MARCHF10: variants seen among roughly 807,000 people sequenced by gnomAD.
MARCHF10 encodes probable E3 ubiquitin-protein ligase MARCHF10.
In MARCHF10, 64 loss-of-function variants were observed where a neutral mutation model predicts 76.2. The observed-to-expected ratio is 0.84, with a 90% CI of 0.69 to 1.03. The LOEUF is 1.03. Among genes scored for constraint, MARCHF10 ranks in the 50% least tolerant of loss-of-function variants. MARCHF10 has a pLI of 0.00. For synonymous variants in MARCHF10, 340 were observed against 357.5 expected (o/e 0.95, Z 0.55); for missense variants, 875 against 958.0 (o/e 0.91, Z 1.14).
Position 62,727,502 on chromosome 17 carries a change from C to CAA in MARCHF10, c.1938-2400_1938-2399dup, listed in dbSNP as rs138004879. Among the ~76,000 whole-genome samples, 878 of 148,638 alleles carry CAA rather than the reference C, an allele frequency of 5.9e-3. 3 individuals are homozygous for CAA. Among genetic ancestry groups the CAA allele is most frequent in the African/African-American group, 0.02 (823 of 40,554 alleles). On this transcript the variant is annotated intron_variant, in intron 6 of 10. Coordinates refer to ENST00000311269, the MANE Select transcript of MARCHF10 (RefSeq NM_152598.4). The stretch of plus-strand genomic sequence containing the variant: ...TGGGCAACACAGCGAGACCTTGTCT[C>CAA]AAAAAAAAAGAAAAAAATATATAGC...
At chr17:62,707,098 C>A (rs1347975127) in intron 9 of MARCHF10, among the ~76,000 whole-genome samples, 1 of 152,162 alleles carries the variant, frequency 6.6e-6, no homozygotes, top group African/African-American at 2.4e-5. Flanking sequence ...CCCACACGGG[C>A]CCCCTTATTA....
intron 4 of MARCHF10, among the ~76,000 whole-genome samples, chr17:62,749,463 A>G (rs563115769): frequency 2.2e-4 from 34 of 152,294 alleles, no homozygotes; most frequent in African/African-American, 7.9e-4. Context: ...TGAAAAAAAA[A>G]GTGTGCTTTC....
At chr17:62,797,259 G>C (rs866372809) in intron 2 of MARCHF10, among the ~76,000 whole-genome samples, 1 of 152,114 alleles carries the variant, frequency 6.6e-6, no homozygotes, top group South Asian at 2.1e-4. Context: ...GGCTGGAGTA[G>C]AGTGGCACTA....
intron 4 of MARCHF10, among the ~76,000 whole-genome samples, chr17:62,758,913 G>A (rs976298931): frequency 6.6e-6 from 1 of 152,150 alleles, no homozygotes; most frequent in Non-Finnish European, 1.5e-5. Context: ...TTGTCTTATA[G>A]CTGTTGTCTT....
At chr17:62,761,549 G>A (rs1465814606) in intron 3 of MARCHF10, among the ~76,000 whole-genome samples, 1 of 152,054 alleles carries the variant, frequency 6.6e-6, no homozygotes, top group Non-Finnish European at 1.5e-5. Flanking sequence ...AGCCTCCTGA[G>A]TAGCTGGGAT....
chr17:62,766,187 C>T (rs888441723), intron 3 of MARCHF10, among the ~76,000 whole-genome samples: 5 of 151,206 alleles, frequency 3.3e-5, no homozygotes, highest in Admixed American at 1.3e-4. Flanking sequence ...CAGAGCAAGA[C>T]CCTGTCTCAA....
chr17:62,733,051 A>G (rs549491016), intron 6 of MARCHF10, among the ~76,000 whole-genome samples: 1 of 152,018 alleles, frequency 6.6e-6, no homozygotes, highest in South Asian at 2.1e-4. Context: ...CAAACTACAA[A>G]TTGGGAAAAG....
At chr17:62,793,744 CCACCACCACCTCCAT>C (rs2092930807) in intron 2 of MARCHF10, among the ~76,000 whole-genome samples, 1 of 150,680 alleles carries the variant, frequency 6.6e-6, no homozygotes, top group Admixed American at 6.6e-5. Flanking sequence ...CCTCCATCAA[CCACCACCACCTCCAT>C]CACCACCACC....
intron 4 of MARCHF10, among the ~76,000 whole-genome samples, chr17:62,748,822 C>T (rs926706138): frequency 2.0e-5 from 3 of 152,154 alleles, no homozygotes; most frequent in African/African-American, 7.2e-5. Context: ...AAATTTCAGA[C>T]CTTTGGGGGC....
At chr17:62,728,412 A>G (rs1380142694) in intron 6 of MARCHF10, among the ~76,000 whole-genome samples, 2 of 152,192 alleles carry the variant, frequency 1.3e-5, no homozygotes, top group African/African-American at 4.8e-5. Context: ...GAGGAGAAAA[A>G]GCACACAATT....
chr17:62,752,649 T>A (rs1361753598), intron 4 of MARCHF10, among the ~76,000 whole-genome samples: 2 of 139,174 alleles, frequency 1.4e-5, no homozygotes, highest in African/African-American at 2.8e-5. Flanking sequence ...TTTTTTTTTT[T>A]AATAGAGATG....
At chr17:62,768,554 C>T (rs907674057) in intron 3 of MARCHF10, among the ~76,000 whole-genome samples, 3 of 152,180 alleles carry the variant, frequency 2.0e-5, no homozygotes, top group Non-Finnish European at 2.9e-5. Context: ...TTTTACTTAA[C>T]AATACCTTGC....
chr17:62,707,185 C>T (rs954275079), intron 9 of MARCHF10, among the ~76,000 whole-genome samples: 1 of 152,240 alleles, frequency 6.6e-6, no homozygotes, highest in African/African-American at 2.4e-5. Flanking sequence ...CTCCCAAAAC[C>T]CACATCTCCT....
At chr17:62,747,509 C>T (rs575845866) in intron 4 of MARCHF10, among the ~76,000 whole-genome samples, 5 of 152,300 alleles carry the variant, frequency 3.3e-5, no homozygotes, top group East Asian at 3.9e-4. Context: ...CCTTTGGCAA[C>T]TTTAACCTCA....
In MARCHF10 at chr17:62,765,505, A is replaced by C. The variant is rs578070935; in HGVS notation, c.211-5499T>G. On this transcript the variant is annotated intron_variant, in intron 3 of 10. Coordinates refer to ENST00000311269, the MANE Select transcript of MARCHF10 (RefSeq NM_152598.4). ...CTCGGATTTTCAGTCCAGCAAGTTG[A>C]AACGACCCAGCCTGTGGCCCTGGCT... is the stretch of plus-strand genomic sequence containing the variant. Among the ~76,000 whole-genome samples the C allele has an allele frequency of 1.4e-4, 22 of 152,148 alleles. 1 individual carries two copies. The highest frequency in any genetic ancestry group is 5.1e-4 in the African/African-American group (21 of 41,530).
At chr17:62,771,579 T>A (rs979910209) in intron 3 of MARCHF10, among the ~76,000 whole-genome samples, 1 of 149,368 alleles carries the variant, frequency 6.7e-6, no homozygotes. Flanking sequence ...TATCTATTTT[T>A]TTTTTTTTTT....
chr17:62,738,059 G>GACACACACACACACAC lies in MARCHF10; in HGVS notation c.536-728_536-727insGTGTGTGTGTGTGTGT, dbSNP rs1386689991. On this transcript the variant is annotated intron_variant, in intron 5 of 10. Transcript: ENST00000311269. This position sits in a 1 kb window ranked among gnomAD's most constrained non-coding sequence, Gnocchi z 4.0. ...TAACTGTCTCTCTCTGTCTCTCTCT[G>GACACACACACACACAC]TCACACACACACACACACACACACA... 2.0e-4 allele frequency: 4 copies of GACACACACACACACAC among 20,168 alleles called. No homozygotes were observed. The highest frequency in any genetic ancestry group is 3.9e-4 in the Non-Finnish European group (4 of 10,368). 1.2% of individuals were successfully genotyped at this position (20,168 alleles called of 1,614,324 possible).
intron 8 of MARCHF10, among the ~76,000 whole-genome samples, chr17:62,717,571 C>T (rs1403655962): frequency 2.6e-5 from 4 of 152,180 alleles, no homozygotes; most frequent in African/African-American, 4.8e-5. Flanking sequence ...TGGGAGGCCC[C>T]GGCAGGAGAC....
rs756037452 is a variant in MARCHF10 at position 62,736,783 on chromosome 17, G to T, written c.1085C>A (p.Pro362Gln). The T allele has an allele frequency of 6.2e-7, 1 of 1,614,146 alleles. No individual in the cohort carries two copies. Among genetic ancestry groups the T allele is most frequent in the East Asian group, 2.2e-5 (1 of 44,884 alleles). Residue 362 changes from proline (P) to glutamine (Q), a missense_variant, in exon 6 of 11, where the codon CCA becomes CAA. By Grantham distance (76) the Pro-to-Gln change is moderately conservative. Transcript: ENST00000311269. ...GSLRISNAME[P>Q]ATERPSAGQR... ...CCCAGCAGAAGGCCGCTCTGTTGCT[G>T]GCTCCATTGCATTGCTTATTCTCAA...
Sources: gnomAD v4.1 joint callset for allele counts (sites outside exome capture counted in the v4.1 genomes callset) on GRCh38, gnomAD v4.1.1 for gene constraint, Gnocchi (gnomAD v3.1) non-coding constraint, MANE v1.5 for transcripts, NCBI Gene and HGNC (gene_info 2026-07-23, HGNC 2026-07-21) for gene names.